The following ZNF609 variants were observed in gnomAD, a reference collection of about 807,000 sequenced individuals.
The protein encoded by ZNF609 is zinc finger protein 609.
A neutral mutation model predicts 109.5 loss-of-function variants in ZNF609; 11 were observed. The observed-to-expected ratio is 0.10, with a 90% CI of 0.06 to 0.17. ZNF609 has a LOEUF of 0.17. ZNF609 is among the 10% of genes least tolerant of loss of function. The probability of loss-of-function intolerance (pLI) is 1.00; values close to 1 mark genes in which losing one functional copy is unlikely to be tolerated. For synonymous variants in ZNF609, 646 were observed against 662.0 expected (o/e 0.98, Z 0.37); for missense variants, 1,559 against 1,772.4 (o/e 0.88, Z 2.16).
chr15:64,522,285 A>G (rs192553220), intron 2 of ZNF609, among the ~76,000 whole-genome samples: 35 of 152,356 alleles, frequency 2.3e-4, no homozygotes, highest in African/African-American at 8.2e-4. Flanking sequence ...AGAACATAAA[A>G]ATTGTACTTC....
rs777189733 is a variant in ZNF609, at chr15:64,499,693, A to G, written c.274A>G (p.Arg92Gly). Residue 92 changes from arginine to glycine, a missense_variant, in exon 2 of 10, where the codon AGG becomes GGG. Arg to Gly is a moderately radical substitution (Grantham distance 125, BLOSUM62 -2). Around this residue, in one of 4 missense-constraint regions of ZNF609, gnomAD observed 291 missense variants for 317.8 expected, o/e 0.92. Transcript: ENST00000326648. Reference protein sequence around the residue: ...QGKEGKSKSKRSKSGKDTSKP... With the variant: ...QGKEGKSKSKGSKSGKDTSKP... ...GAAGGAAGGCAAATCAAAATCCAAA[A>G]GGAGTAAGAGTGGCAAAGACACTAG... 1 of 1,614,110 alleles carries G rather than the reference A, an allele frequency of 6.2e-7. No homozygotes were observed. Among genetic ancestry groups the G allele is most frequent in the Admixed American group, 1.7e-5 (1 of 60,010 alleles).
At chr15:64,633,076 A>G (rs1050780545) in intron 3 of ZNF609, among the ~76,000 whole-genome samples, 2 of 150,894 alleles carry the variant, frequency 1.3e-5, no homozygotes, top group Middle Eastern at 3.5e-3. Context: ...GAGCCATCAC[A>G]CCTGGTCCAT....
chr15:64,628,581 A>G (rs1042650478), intron 3 of ZNF609, among the ~76,000 whole-genome samples: 10 of 152,064 alleles, frequency 6.6e-5, no homozygotes, highest in South Asian at 2.1e-4. Flanking sequence ...AGAGGTTGCA[A>G]TGAGCCAGGA....
intron 2 of ZNF609, among the ~76,000 whole-genome samples, chr15:64,589,091 T>C (rs898899474): frequency 2.0e-5 from 3 of 152,242 alleles, no homozygotes; most frequent in African/African-American, 7.2e-5. Context: ...AGTTCCATTT[T>C]AGCTCTTCTG....
At chr15:64,518,832 T>G (rs1400285328) in intron 2 of ZNF609, among the ~76,000 whole-genome samples, 2 of 151,968 alleles carry the variant, frequency 1.3e-5, no homozygotes, top group Non-Finnish European at 2.9e-5. Flanking sequence ...TGGAACCACT[T>G]ACTCATAGGA....
At chr15:64,623,111 C>G in intron 3 of ZNF609, 59 bp downstream of exon 3, 1 of 1,528,318 alleles carries the variant, frequency 6.5e-7, no homozygotes, top group Non-Finnish European at 9.1e-7. Context: ...GGGGAGCCAC[C>G]AGGGACTTAT....
At chr15:64,620,671 G>C (rs1336329493) in intron 2 of ZNF609, among the ~76,000 whole-genome samples, 2 of 152,172 alleles carry the variant, frequency 1.3e-5, no homozygotes, top group Non-Finnish European at 2.9e-5. Flanking sequence ...GAGACAAGCA[G>C]ACAAGGATGT....
intron 2 of ZNF609, among the ~76,000 whole-genome samples, chr15:64,506,801 T>C (rs565888145): frequency 6.6e-6 from 1 of 152,204 alleles, no homozygotes; most frequent in South Asian, 2.1e-4. Context: ...TAGGAAGCAT[T>C]CAATAAATAT....
intron 1 of ZNF609, among the ~76,000 whole-genome samples, chr15:64,475,912 G>A (rs1377251701): frequency 6.6e-6 from 1 of 152,144 alleles, no homozygotes; most frequent in African/African-American, 2.4e-5. Context: ...CAAAAGTAAC[G>A]TAACTTCCAT....
rs71133451 is a variant in ZNF609, at chr15:64,588,442, A to AAAAAAG, written c.748-34383_748-34382insAAAGAA. On this transcript the variant is annotated intron_variant, in intron 2 of 9. Coordinates refer to ENST00000326648, the MANE Select transcript of ZNF609 (RefSeq NM_015042.2). The stretch of plus-strand genomic sequence containing the variant: ...CACTCTGTCTAAAAAAAAAAAAAAA[A>AAAAAAG]AAGAAGAGGAAGACTGTACAGACTA... Among the ~76,000 whole-genome samples, 415 of 75,248 alleles carry AAAAAAG rather than the reference A, an allele frequency of 5.5e-3. 56 individuals carry two copies. The highest frequency in any genetic ancestry group is 0.02 in the African/African-American group (383 of 19,488). The allele number at this position is 75,248 out of a possible 152,430, so 49.4% of individuals were successfully genotyped here.
At chr15:64,538,800 C>T (rs1365227116) in intron 2 of ZNF609, among the ~76,000 whole-genome samples, 2 of 152,174 alleles carry the variant, frequency 1.3e-5, no homozygotes, top group African/African-American at 4.8e-5. Context: ...CTGCCTCGAC[C>T]TCCCAAAGTG....
At chr15:64,538,516 AGT>A (rs373389608) in intron 2 of ZNF609, among the ~76,000 whole-genome samples, 9 of 152,104 alleles carry the variant, frequency 5.9e-5, no homozygotes, top group African/African-American at 2.2e-4. Flanking sequence ...TTATCTGTAA[AGT>A]GTGGATTTTT....
At position 64,637,365 on chromosome 15, in the gene ZNF609, A is replaced by G. The variant is rs527327036; in HGVS notation, c.973+14313A>G. Among the ~76,000 whole-genome samples, 3 of 152,316 alleles carry G rather than the reference A, an allele frequency of 2.0e-5. No individual in the cohort carries two copies. In the South Asian group the frequency reaches 6.2e-4, roughly 32 times the overall value. ...GCTGTGAAAATTCTTGTACATGTCT[A>G]TTTGGGACTATATATACATATTCCT... On this transcript the variant is annotated intron_variant, in intron 3 of 9. Transcript: ENST00000326648.
At chr15:64,645,972 T>C (rs1459712151) in intron 3 of ZNF609, among the ~76,000 whole-genome samples, 1 of 152,226 alleles carries the variant, frequency 6.6e-6, no homozygotes, top group African/African-American at 2.4e-5. Flanking sequence ...GAAAACAGTT[T>C]GGTGGATCCT....
chr15:64,528,654 TGGTCCAGG>T, intron 2 of ZNF609: 1 of 1,072,740 alleles, frequency 9.3e-7, no homozygotes, highest in Non-Finnish European at 1.4e-6. Context: ...GCTGGGCTGG[TGGTCCAGG>T]GGTCTTACTC....
intron 1 of ZNF609, among the ~76,000 whole-genome samples, chr15:64,485,242 GC>G (rs1277083734): frequency 6.6e-6 from 1 of 152,000 alleles, no homozygotes; most frequent in Non-Finnish European, 1.5e-5. Flanking sequence ...AAAAAATTCA[GC>G]TTTTAAAGAC....
chr15:64,641,989 C>T (rs1428963139), intron 3 of ZNF609, among the ~76,000 whole-genome samples: 1 of 152,068 alleles, frequency 6.6e-6, no homozygotes, highest in Non-Finnish European at 1.5e-5. Flanking sequence ...ACAGTCAGAT[C>T]CATGAATTGA....
intron 5 of ZNF609, among the ~76,000 whole-genome samples, chr15:64,677,265 G>A (rs1896821840): frequency 6.6e-6 from 1 of 151,856 alleles, no homozygotes; most frequent in Non-Finnish European, 1.5e-5. Flanking sequence ...GTCTCACTAT[G>A]TTGCCCAGGC....
intron 2 of ZNF609, among the ~76,000 whole-genome samples, chr15:64,600,927 G>A (rs527684695): frequency 2.0e-5 from 3 of 152,208 alleles, no homozygotes; most frequent in African/African-American, 7.2e-5. Context: ...TATGATTTCA[G>A]TTCTGCTTCA....
Sources: allele counts gnomAD v4.1 joint callset (sites outside exome capture counted in the v4.1 genomes callset), GRCh38; gene constraint gnomAD v4.1.1; regional missense constraint gnomAD v4.1.1; transcripts MANE v1.5; gene names NCBI Gene and HGNC (gene_info 2026-07-23, HGNC 2026-07-21).